The following ATP10B variants were observed in gnomAD, a reference collection of about 807,000 sequenced individuals.
The protein encoded by ATP10B is phospholipid-transporting ATPase VB.
Under a neutral mutation model 141.2 loss-of-function variants are expected in ATP10B, and 122 were observed. The ratio of observed to expected loss-of-function variants is 0.86; its 90% CI spans 0.75 to 1.00. The LOEUF is 1.00. Ranked by LOEUF, ATP10B falls within the 50% of genes least tolerant of loss-of-function variation. ATP10B has a pLI of 0.00. For missense variants in ATP10B, 1,876 were observed against 1,825.3 expected (o/e 1.03, Z -0.51); for synonymous variants, 685 against 692.0 (o/e 0.99, Z 0.16).
At chr5:160,580,614 G>C (rs997754249) in intron 24 of ATP10B, among the ~76,000 whole-genome samples, 2 of 152,064 alleles carry the variant, frequency 1.3e-5, no homozygotes, top group African/African-American at 4.8e-5. Flanking sequence ...ATATTGGCCT[G>C]AAATTTTCTT....
At chr5:160,649,659 T>C (rs1760560620) in intron 7 of ATP10B, among the ~76,000 whole-genome samples, 1 of 152,222 alleles carries the variant, frequency 6.6e-6, no homozygotes, top group South Asian at 2.1e-4. Flanking sequence ...TCTTAAAAAA[T>C]TTAATTTGAT....
intron 2 of ATP10B, among the ~76,000 whole-genome samples, chr5:160,762,708 C>T (rs1297148903): frequency 6.6e-6 from 1 of 151,626 alleles, no homozygotes; most frequent in East Asian, 1.9e-4. Flanking sequence ...AGAACAGTAC[C>T]TCACATCTCA....
chr5:160,838,069 A>C (rs576515605), intron 1 of ATP10B, among the ~76,000 whole-genome samples: 1 of 152,280 alleles, frequency 6.6e-6, no homozygotes, highest in African/African-American at 2.4e-5. Flanking sequence ...TTGTCTTTTC[A>C]TCTGGCAAAA....
At chr5:160,877,697 C>T in the ATP10B span, among the ~76,000 whole-genome samples, 2 of 145,690 alleles carry the variant, frequency 1.4e-5, no homozygotes, top group African/African-American at 4.9e-5. Context: ...TCTCAGGATA[C>T]AAAATCAATG....
At chr5:160,792,867 G>T (rs895202460) in intron 1 of ATP10B, among the ~76,000 whole-genome samples, 2 of 152,086 alleles carry the variant, frequency 1.3e-5, no homozygotes, top group South Asian at 2.1e-4. Flanking sequence ...GGAGGGTGAC[G>T]TTAACCCTAA....
the ATP10B span, among the ~76,000 whole-genome samples, chr5:160,872,070 T>G: frequency 6.6e-6 from 1 of 152,150 alleles, no homozygotes; most frequent in Non-Finnish European, 1.5e-5. Context: ...TTTTGATTCT[T>G]GAATTATGGC....
intron 24 of ATP10B, among the ~76,000 whole-genome samples, chr5:160,572,737 T>C (rs1205410324): frequency 6.6e-6 from 1 of 152,236 alleles, no homozygotes; most frequent in East Asian, 1.9e-4. Context: ...GAATTCCTTT[T>C]GGAAAATATC....
intron 2 of ATP10B, among the ~76,000 whole-genome samples, chr5:160,751,143 A>G (rs1325485840): frequency 6.6e-6 from 1 of 152,204 alleles, no homozygotes; most frequent in African/African-American, 2.4e-5. Flanking sequence ...TGCATTATTA[A>G]GCACAGCACC....
intron 8 of ATP10B, among the ~76,000 whole-genome samples, chr5:160,648,131 A>T (rs1760425819): frequency 6.6e-6 from 1 of 152,158 alleles, no homozygotes; most frequent in Non-Finnish European, 1.5e-5. Context: ...AAAGTCTCAG[A>T]TCATCATAAT....
At chr5:160,597,324 G>A (rs1399915540) in intron 22 of ATP10B, among the ~76,000 whole-genome samples, 1 of 152,146 alleles carries the variant, frequency 6.6e-6, no homozygotes, top group Non-Finnish European at 1.5e-5. Flanking sequence ...AATGGTGCTG[G>A]GAAAACTGGC....
At chr5:160,810,716 T>G (rs1472761676) in intron 1 of ATP10B, among the ~76,000 whole-genome samples, 4 of 152,246 alleles carry the variant, frequency 2.6e-5, no homozygotes, top group Admixed American at 6.5e-5. Flanking sequence ...TTATACTTAT[T>G]ATGAGGCTAT....
At chr5:160,680,253 G>A (rs1462684771) in intron 6 of ATP10B, among the ~76,000 whole-genome samples, 1 of 151,798 alleles carries the variant, frequency 6.6e-6, no homozygotes, top group Non-Finnish European at 1.5e-5. Context: ...TAAATAAAAT[G>A]GATAGGGCTA....
chr5:160,643,763 C>A (rs1250521786), intron 9 of ATP10B, among the ~76,000 whole-genome samples: 2 of 152,134 alleles, frequency 1.3e-5, no homozygotes, highest in African/African-American at 4.8e-5. Context: ...AATATTCTCC[C>A]CACTGTACAA....
At position 160,668,325 on chromosome 5, in the gene ATP10B, G is replaced by A. The variant is rs187774433; in HGVS notation, c.675+2138C>T. 4.2e-4 allele frequency among the ~76,000 whole-genome samples: 62 copies of A among 149,080 alleles called. 1 individual carries two copies. In the East Asian group the frequency reaches 7.2e-3, roughly 17 times the overall value. ...GTCATTCTTACATACTCATTCACAC[G>A]CATATACACACGTGTATGTGTGTCA... On this transcript the variant is annotated intron_variant, in intron 7 of 25. Coordinates refer to ENST00000327245, the MANE Select transcript of ATP10B (RefSeq NM_025153.3).
chr5:160,734,328 A>C (rs1766960208), intron 2 of ATP10B, among the ~76,000 whole-genome samples: 1 of 152,022 alleles, frequency 6.6e-6, no homozygotes, highest in Non-Finnish European at 1.5e-5. Context: ...ATAAATGTAA[A>C]AGAGACTCTT....
intron 19 of ATP10B, among the ~76,000 whole-genome samples, chr5:160,606,435 A>G (rs1211361888): frequency 6.6e-6 from 1 of 152,230 alleles, no homozygotes; most frequent in Non-Finnish European, 1.5e-5. Context: ...AATGATCTGT[A>G]TCCCAGAATT....
intron 7 of ATP10B, among the ~76,000 whole-genome samples, chr5:160,650,201 C>A (rs1760625579): frequency 6.6e-6 from 1 of 151,412 alleles, no homozygotes; most frequent in African/African-American, 2.4e-5. Flanking sequence ...TACACACACA[C>A]ATACACACAT....
At chr5:160,776,037 T>C (rs563467014) in intron 2 of ATP10B, among the ~76,000 whole-genome samples, 6 of 152,290 alleles carry the variant, frequency 3.9e-5, no homozygotes, top group East Asian at 1.9e-4. Flanking sequence ...ATCCTATAAA[T>C]ATTAGCTATT....
chr5:160,904,463 A>G, the ATP10B span, among the ~76,000 whole-genome samples: 173 of 150,372 alleles, frequency 1.2e-3, no homozygotes, highest in African/African-American at 4.1e-3. Context: ...TAATCTAAAG[A>G]TCTCTCTATA....
Sources: gnomAD v4.1 joint callset for allele counts (sites outside exome capture counted in the v4.1 genomes callset) on GRCh38, gnomAD v4.1.1 for gene constraint, MANE v1.5 for transcripts, NCBI Gene and HGNC (gene_info 2026-07-23, HGNC 2026-07-21) for gene names.